The following FAAH2 variants were observed in gnomAD, a reference collection of about 807,000 sequenced individuals.
FAAH2 encodes fatty acid amide hydrolase 2.
FAAH2 carries 60 observed loss-of-function variants against 36.9 expected under a neutral mutation model. That is an observed-to-expected ratio of 1.63 (90% CI 1.32 to 2.02). The LOEUF (loss-of-function observed/expected upper bound fraction) is 2.02, where lower values mean the gene tolerates loss of function less well. FAAH2 is among the 30% of genes most tolerant of loss of function. FAAH2 has a pLI of 0.00. For missense variants in FAAH2, 689 were observed against 397.5 expected (o/e 1.73, Z -6.23); for synonymous variants, 214 against 143.8 (o/e 1.49, Z -3.49).
chrX:57,472,390 T>C (rs2057186773), intron 10 of FAAH2, among the ~76,000 whole-genome samples: 1 of 112,153 alleles, frequency 8.9e-6, no homozygotes, highest in South Asian at 3.7e-4. Context: ...CTCAAACAAA[T>C]TTACAAGAAA....
At chrX:57,240,081 G>A in the FAAH2 span, among the ~76,000 whole-genome samples, 2 of 112,243 alleles carry the variant, frequency 1.8e-5, no homozygotes, top group Non-Finnish European at 3.8e-5. Context: ...TAGTGCAGTT[G>A]TTTGGGGATA....
the FAAH2 span, among the ~76,000 whole-genome samples, chrX:57,206,180 ACTAGGAT>A: frequency 8.9e-6 from 1 of 112,044 alleles, no homozygotes. Flanking sequence ...GGCTAGTGAG[ACTAGGAT>A]CTCCTCTAAG....
At chrX:57,281,541 T>C in the FAAH2 span, among the ~76,000 whole-genome samples, 1 of 112,459 alleles carries the variant, frequency 8.9e-6, no homozygotes, top group South Asian at 3.6e-4. Context: ...ATGTTTTCAT[T>C]ATGAGTATAT....
chrX:57,271,471 A>G, the FAAH2 span, among the ~76,000 whole-genome samples: 1 of 112,296 alleles, frequency 8.9e-6, no homozygotes, highest in African/African-American at 3.2e-5. Flanking sequence ...ACTGACTAGG[A>G]GACACCTCCA....
chrX:57,331,534 C>T (rs2053405518), intron 3 of FAAH2, 64 bp from the exon 4 acceptor site: 3 of 1,029,861 alleles, frequency 2.9e-6, no homozygotes, highest in Non-Finnish European at 2.6e-6. Flanking sequence ...CATCTTGCCC[C>T]TCAGGAGAAA....
intron 5 of FAAH2, among the ~76,000 whole-genome samples, chrX:57,341,914 C>A (rs1423527069): frequency 2.7e-5 from 3 of 111,192 alleles, no homozygotes; most frequent in Non-Finnish European, 3.8e-5. Flanking sequence ...TCAATGAATT[C>A]AAGGAGTATT....
chrX:57,204,782 G>A, the FAAH2 span, among the ~76,000 whole-genome samples: 1 of 112,282 alleles, frequency 8.9e-6, no homozygotes, highest in Non-Finnish European at 1.9e-5. Context: ...TGCATATGGG[G>A]TGTTCCATAG....
At chrX:57,140,417 C>CAAAAAAAAAAA in the FAAH2 span, among the ~76,000 whole-genome samples, 3 of 64,791 alleles carry the variant, frequency 4.6e-5, no homozygotes, top group African/African-American at 2.0e-4. Context: ...CCATCTCTAC[C>CAAAAAAAAAAA]AAAAAAAAAA....
At chrX:57,135,325 C>T in the FAAH2 span, 1 of 139,201 alleles carries the variant, frequency 7.2e-6, no homozygotes, top group African/African-American at 3.2e-5. Flanking sequence ...ATCTCACTCT[C>T]CCTCTGTTAG....
intron 5 of FAAH2, among the ~76,000 whole-genome samples, chrX:57,370,186 G>A (rs994195786): frequency 9.0e-6 from 1 of 111,603 alleles, no homozygotes; most frequent in African/African-American, 3.2e-5. Context: ...CAAAATGGCC[G>A]AAGCTAGTCC....
chrX:57,421,926 C>G lies in FAAH2; in HGVS notation c.997-9992C>G, dbSNP rs1478345556. ...AGAATTATGTTGCTGATTTAATGGA[C>G]CAGTGCAATGCCTTGTGTAAGGAAA... On this transcript the variant is annotated intron_variant, in intron 7 of 10. Coordinates refer to ENST00000374900, the MANE Select transcript of FAAH2 (RefSeq NM_174912.4). 4.5e-5 allele frequency among the ~76,000 whole-genome samples: 5 copies of G among 111,699 alleles called. 1 individual carries two copies. The Admixed American group carries it at 4.7e-4, about 11-fold the overall frequency.
At chrX:57,150,245 G>A in the FAAH2 span, among the ~76,000 whole-genome samples, 207 of 111,977 alleles carry the variant, frequency 1.8e-3, 2 homozygotes, top group African/African-American at 6.4e-3. Context: ...TGTTGATTTG[G>A]GGTGGAGAGT....
chrX:57,458,845 G>T lies in FAAH2; in HGVS notation c.1423+10127G>T, dbSNP rs572334609. Among the ~76,000 whole-genome samples the T allele has an allele frequency of 8.9e-5, 10 of 112,400 alleles. No individual in the cohort carries two copies. The South Asian group carries it at 1.9e-3, about 21-fold the overall frequency. ...CAAAGAACAGGAGATTCCCTCTTGT[G>T]CCTACACCACCAGGGACCTGGGTTT... On this transcript the variant is annotated intron_variant, in intron 10 of 10. Coordinates refer to ENST00000374900, the MANE Select transcript of FAAH2 (RefSeq NM_174912.4).
At chrX:57,480,193 A>G (rs1351018742) in intron 10 of FAAH2, among the ~76,000 whole-genome samples, 2 of 111,538 alleles carry the variant, frequency 1.8e-5, no homozygotes, top group Non-Finnish European at 3.8e-5. Flanking sequence ...ACAGGGAGGA[A>G]CTGGTACCAT....
chrX:57,485,339 C>T (rs1331305303), intron 10 of FAAH2, among the ~76,000 whole-genome samples: 4 of 111,174 alleles, frequency 3.6e-5, no homozygotes, highest in East Asian at 2.8e-4. Context: ...CAAAGAAATG[C>T]CAAGCCATGG....
the FAAH2 span, among the ~76,000 whole-genome samples, chrX:57,236,959 T>TG: frequency 8.9e-6 from 1 of 111,850 alleles, no homozygotes; most frequent in Non-Finnish European, 1.9e-5. Context: ...GTTTTCCTTG[T>TG]GGTTTTTTCT....
At chrX:57,454,913 C>A (rs1245700221) in intron 10 of FAAH2, among the ~76,000 whole-genome samples, 1 of 110,930 alleles carries the variant, frequency 9.0e-6, no homozygotes, top group African/African-American at 3.3e-5. Flanking sequence ...CCCAAACGTC[C>A]CAGGGAGGAG....
intron 3 of FAAH2, among the ~76,000 whole-genome samples, chrX:57,317,836 C>T (rs1460740139): frequency 8.9e-6 from 1 of 111,960 alleles, no homozygotes; most frequent in Non-Finnish European, 1.9e-5. Flanking sequence ...ACAGTGCAAT[C>T]AAATTACAAC....
chrX:57,188,968 C>T, the FAAH2 span, among the ~76,000 whole-genome samples: 1 of 111,491 alleles, frequency 9.0e-6, no homozygotes, highest in East Asian at 2.8e-4. Flanking sequence ...TGGATAATAT[C>T]CTGAAGTGTG....
Sources: gnomAD v4.1 joint callset for allele counts (sites outside exome capture counted in the v4.1 genomes callset) on GRCh38, gnomAD v4.1.1 for gene constraint, MANE v1.5 for transcripts, NCBI Gene and HGNC (gene_info 2026-07-23, HGNC 2026-07-21) for gene names.